The following AAK1 variants were observed in gnomAD, a reference collection of about 807,000 sequenced individuals.
AAK1 encodes the protein AP2 associated kinase 1.
Under a neutral mutation model 116.0 loss-of-function variants are expected in AAK1, and 37 were observed. That is an observed-to-expected ratio of 0.32 (90% CI 0.25 to 0.42). The LOEUF (loss-of-function observed/expected upper bound fraction) is 0.42, where lower values mean the gene tolerates loss of function less well. AAK1 is among the 10% of genes least tolerant of loss of function. AAK1 has a pLI of 1.00. For synonymous variants in AAK1, 458 were observed against 439.9 expected, an observed-to-expected ratio of 1.04 and a Z score of -0.51; for missense variants, 919 against 1,170.6, an observed-to-expected ratio of 0.79 and a Z score of 3.14.
chr2:69,491,101 T>C (rs540403140), intron 17 of AAK1, among the ~76,000 whole-genome samples: 1 of 151,772 alleles, frequency 6.6e-6, no homozygotes, highest in South Asian at 2.1e-4. Flanking sequence ...TATGCCTGGC[T>C]AATTAAAAAA....
Position 69,473,774 on chromosome 2 carries a change from ATTC to A in AAK1, c.*2092_*2094del. 1 of 980,820 alleles carries A rather than the reference ATTC, an allele frequency of 1.0e-6. No homozygotes were observed. Among genetic ancestry groups the A allele is most frequent in the Non-Finnish European group, 1.2e-6 (1 of 825,320 alleles). 60.8% of individuals were successfully genotyped at this position (980,820 alleles called of 1,614,324 possible). On this transcript the variant is annotated 3_prime_UTR_variant, in exon 22 of 22. Coordinates refer to ENST00000409085, the MANE Select transcript of AAK1 (RefSeq NM_014911.5). ...TATGAAAACATAGAACTCAAACATT[ATTC>A]TTATTTAAAAATAAACATTTCCTTC... is the stretch of plus-strand genomic sequence containing the variant.
chr2:69,572,606 C>T (rs1446279531), intron 2 of AAK1, among the ~76,000 whole-genome samples: 22 of 104,546 alleles, frequency 2.1e-4, no homozygotes, highest in East Asian at 5.9e-4. Context: ...GCAACAAAAA[C>T]GAAACTCTGT....
chr2:69,643,343 A>G, intron 1 of AAK1, 69 bp from the exon 2 acceptor site: 3 of 1,235,722 alleles, frequency 2.4e-6, no homozygotes, highest in South Asian at 3.3e-5. Context: ...GCTGAGTCCT[A>G]GGGGGAGCAA....
At chr2:69,585,684 T>C (rs940776189) in intron 2 of AAK1, among the ~76,000 whole-genome samples, 1 of 152,178 alleles carries the variant, frequency 6.6e-6, no homozygotes, top group African/African-American at 2.4e-5. Flanking sequence ...AAGAATCACT[T>C]ACCCAAAAAG....
chr2:69,564,224 A>G (rs1257865162), intron 2 of AAK1, among the ~76,000 whole-genome samples: 1 of 152,016 alleles, frequency 6.6e-6, no homozygotes, highest in Non-Finnish European at 1.5e-5. Context: ...AAGAAAAGAA[A>G]AGAAATTAAG....
chr2:69,605,751 C>T lies in AAK1; in HGVS notation c.163+37127G>A, dbSNP rs564128868. Among the ~76,000 whole-genome samples the T allele has an allele frequency of 3.3e-5, 5 of 152,314 alleles. No homozygotes were observed. The South Asian group carries it at 1.0e-3, about 32-fold the overall frequency. On this transcript the variant is annotated intron_variant, in intron 2 of 21. Transcript: ENST00000409085. ...CAGTCAGGATACAGAACTGTTCCAT[C>T]ACCAAAAAGATCCCTTATGCTGCCT...
chr2:69,467,154 A>G lies in AAK1; in HGVS notation c.*8715T>C. 1 of 985,486 alleles carries G rather than the reference A, an allele frequency of 1.0e-6. No homozygotes were observed. Among genetic ancestry groups the G allele is most frequent in the Non-Finnish European group, 1.2e-6 (1 of 829,936 alleles). The allele number at this position is 985,486 out of a possible 1,614,324, so 61.0% of individuals were successfully genotyped here. On this transcript the variant is annotated 3_prime_UTR_variant, in exon 22 of 22. Transcript: ENST00000409085. ...GTACCTTCTGAGGGGAGCATACAGC[A>G]TCAAAATCAGACCAAATAAATCACC... is the stretch of plus-strand genomic sequence containing the variant.
At chr2:69,513,848 T>C (rs1676482540) in intron 13 of AAK1, among the ~76,000 whole-genome samples, 1 of 152,126 alleles carries the variant, frequency 6.6e-6, no homozygotes, top group Admixed American at 6.5e-5. Context: ...TAGAGGACAA[T>C]CAGACGAGGG....
intron 13 of AAK1, among the ~76,000 whole-genome samples, chr2:69,510,699 G>A (rs975361170): frequency 6.6e-6 from 1 of 151,886 alleles, no homozygotes; most frequent in Admixed American, 6.6e-5. Context: ...TTGTTTTGTT[G>A]TTAAGGCTCT....
chr2:69,546,604 T>A (rs1416276508), intron 3 of AAK1, among the ~76,000 whole-genome samples: 1 of 152,218 alleles, frequency 6.6e-6, no homozygotes, highest in Non-Finnish European at 1.5e-5. Context: ...GTTGGTCTCA[T>A]CCTAAGAGGA....
chr2:69,520,553 AG>A (rs1432735544), intron 11 of AAK1, among the ~76,000 whole-genome samples: 4 of 151,730 alleles, frequency 2.6e-5, no homozygotes, highest in Admixed American at 6.6e-5. Flanking sequence ...TTTGAAAAAC[AG>A]GGTTTCATCA....
chr2:69,626,120 C>T (rs1445629299), intron 2 of AAK1, among the ~76,000 whole-genome samples: 1 of 152,110 alleles, frequency 6.6e-6, no homozygotes, highest in African/African-American at 2.4e-5. Flanking sequence ...GACCTCCCAT[C>T]CCTTCTTTGG....
intron 2 of AAK1, among the ~76,000 whole-genome samples, chr2:69,607,202 T>C (rs951182500): frequency 6.6e-6 from 1 of 151,958 alleles, no homozygotes; most frequent in Non-Finnish European, 1.5e-5. Flanking sequence ...AGGTGACATA[T>C]GAACAAAACT....
intron 2 of AAK1, among the ~76,000 whole-genome samples, chr2:69,623,275 C>T (rs1054539262): frequency 5.9e-5 from 9 of 152,144 alleles, no homozygotes; most frequent in African/African-American, 1.2e-4. Flanking sequence ...TGCGAGGGTC[C>T]GCGGCTTCAT....
At chr2:69,495,606 C>A (rs1297238715) in intron 17 of AAK1, among the ~76,000 whole-genome samples, 1 of 152,130 alleles carries the variant, frequency 6.6e-6, no homozygotes, top group African/African-American at 2.4e-5. Context: ...ACACTATCAC[C>A]ACTATTCATA....
chr2:69,533,271 T>TA (rs1045108344), intron 5 of AAK1, among the ~76,000 whole-genome samples: 3 of 152,274 alleles, frequency 2.0e-5, no homozygotes, highest in South Asian at 4.1e-4. Context: ...ATGCTTGGTA[T>TA]AAAAAATGTA....
intron 2 of AAK1, among the ~76,000 whole-genome samples, chr2:69,576,823 T>C (rs1034883618): frequency 3.3e-5 from 5 of 152,256 alleles, no homozygotes; most frequent in South Asian, 2.1e-4. Flanking sequence ...TAAATGACCA[T>C]GGAAGTGTCT....
chr2:69,555,268 C>A (rs1363477319), intron 3 of AAK1, among the ~76,000 whole-genome samples: 2 of 152,198 alleles, frequency 1.3e-5, no homozygotes, highest in African/African-American at 4.8e-5. Context: ...TACAGACAGG[C>A]CCACGTGGTC....
chr2:69,472,608 T>C lies in AAK1; in HGVS notation c.*3261A>G. On this transcript the variant is annotated 3_prime_UTR_variant, in exon 22 of 22. Coordinates refer to ENST00000409085, the MANE Select transcript of AAK1 (RefSeq NM_014911.5). ...AAGTGTCCACTTAAGCCTTATCTCC[T>C]CTGAGGTATGTATTTTTGAAAACAT... is the stretch of plus-strand genomic sequence containing the variant. 2.0e-6 allele frequency: 2 copies of C among 985,190 alleles called. No individual in the cohort carries two copies. Among genetic ancestry groups the C allele is most frequent in the Non-Finnish European group, 2.4e-6 (2 of 829,726 alleles). The allele number at this position is 985,190 out of a possible 1,614,324, so 61.0% of individuals were successfully genotyped here.
Sources: gnomAD v4.1 joint callset for allele counts (sites outside exome capture counted in the v4.1 genomes callset) on GRCh38, gnomAD v4.1.1 for gene constraint, MANE v1.5 for transcripts, NCBI Gene and HGNC (gene_info 2026-07-23, HGNC 2026-07-21) for gene names.